Variants in FGD3 observed in about 807,000 individuals in gnomAD.
FGD3 encodes FYVE, RhoGEF and PH domain containing 3.
In FGD3, 45 loss-of-function variants were observed where a neutral mutation model predicts 71.8. That is an observed-to-expected ratio of 0.63 (90% CI 0.49 to 0.80). FGD3 has a LOEUF of 0.80. FGD3 is among the 30% of genes least tolerant of loss of function. FGD3 has a pLI of 0.00. For synonymous variants in FGD3, 378 were observed against 392.8 expected (o/e 0.96, Z 0.44); for missense variants, 844 against 951.5 (o/e 0.89, Z 1.49).
rs1287571023 is a variant in FGD3, at chr9:93,024,269, G to A, written c.1557+1880G>A. ...ACAGAAGCTTGAGCTGCCCACAGTGGACACACAATCGCAGGGTCACAGTGG... is the reference window on the plus strand; with the variant it reads ...ACAGAAGCTTGAGCTGCCCACAGTGAACACACAATCGCAGGGTCACAGTGG... On this transcript the variant is annotated intron_variant, in intron 14 of 17. Transcript: ENST00000375482. 2.0e-5 allele frequency among the ~76,000 whole-genome samples: 3 copies of A among 152,226 alleles called. No individual in the cohort carries two copies. In the East Asian group the frequency reaches 5.8e-4, roughly 29 times the overall value.
At chr9:92,972,689 TA>T (rs35801773) in intron 1 of FGD3, among the ~76,000 whole-genome samples, 77,870 of 151,718 alleles carry the variant, frequency 0.51, 20,197 homozygotes, top group Middle Eastern at 0.62. Flanking sequence ...TTTCCTCAAA[TA>T]TTTTTTTTGT....
At chr9:92,979,270 A>G (rs1859897008) in intron 3 of FGD3, among the ~76,000 whole-genome samples, 2 of 152,262 alleles carry the variant, frequency 1.3e-5, no homozygotes, top group South Asian at 4.1e-4. Flanking sequence ...TATTATATTG[A>G]GGTAGTTTCA....
At chr9:93,004,954 G>A (rs888820694) in intron 5 of FGD3, among the ~76,000 whole-genome samples, 8 of 152,146 alleles carry the variant, frequency 5.3e-5, no homozygotes, top group African/African-American at 1.9e-4. Flanking sequence ...TTGTGTCCCC[G>A]AGGCAGTCAG....
At chr9:92,989,539 T>C (rs767629662) in intron 3 of FGD3, among the ~76,000 whole-genome samples, 1 of 152,236 alleles carries the variant, frequency 6.6e-6, no homozygotes, top group Non-Finnish European at 1.5e-5. Flanking sequence ...GAAATAAACA[T>C]GGAATCATAG....
In FGD3 at chr9:92,996,986, A is replaced by G. The variant is rs147444927; in HGVS notation, c.454-5939A>G. 2.1e-4 allele frequency among the ~76,000 whole-genome samples: 32 copies of G among 152,280 alleles called. No homozygotes were observed. In the East Asian group the frequency reaches 5.2e-3, roughly 25 times the overall value. On this transcript the variant is annotated intron_variant, in intron 3 of 17. Transcript: ENST00000375482. Reference sequence around the variant, plus strand: ...GGGGTGTAGAGTTCTGTAGATGTCTATTAGGTCCACTTGGTGCAGAGCTGA... The same window carrying G: ...GGGGTGTAGAGTTCTGTAGATGTCTGTTAGGTCCACTTGGTGCAGAGCTGA...
rs376038788 is a variant in FGD3 at position 93,003,132 on chromosome 9, CTTT to C, written c.543+130_543+132del. 3.7e-4 allele frequency: 274 copies of C among 746,072 alleles called. No individual in the cohort carries two copies. The highest frequency in any genetic ancestry group is 7.6e-4 in the East Asian group (24 of 31,432). The allele number at this position is 746,072 out of a possible 1,614,324, so 46.2% of individuals were successfully genotyped here. A position where few individuals can be genotyped will look rare whatever the true frequency, so the allele number is the denominator to read the frequency against. On this transcript the variant is annotated intron_variant, in intron 4 of 17. Coordinates refer to ENST00000375482, the MANE Select transcript of FGD3 (RefSeq NM_001083536.2). The surrounding 1 kb of genome is among the most constrained non-coding windows in gnomAD (Gnocchi z 4.1). Reference sequence around the variant, plus strand: ...GACAAATTTAAGTCTGGTCTACAAACTTTTTTTTTTTTTTGAGACAAAGTCTCA... The same window carrying C: ...GACAAATTTAAGTCTGGTCTACAAACTTTTTTTTTTTGAGACAAAGTCTCA...
intron 6 of FGD3, among the ~76,000 whole-genome samples, chr9:93,006,526 A>G (rs1861061305): frequency 2.0e-5 from 3 of 152,178 alleles, no homozygotes; most frequent in Admixed American, 6.5e-5. Context: ...TATCTAGTGC[A>G]GGCATTTTTG....
chr9:93,011,244 A>C lies in FGD3; in HGVS notation c.1007A>C (p.Asn336Thr). The C allele has an allele frequency of 6.2e-7, 1 of 1,614,166 alleles. No individual in the cohort carries two copies. The highest frequency in any genetic ancestry group is 8.5e-7 in the Non-Finnish European group (1 of 1,179,998). Residue 336 changes from asparagine to threonine, a missense_variant, in exon 8 of 18, where the codon AAC (asparagine) becomes ACC (threonine). Transcript: ENST00000375482. The part of the protein sequence containing the change: ...RSLELISTAA[N>T]HSNAAIRKVE... ...TTGGAGCTCATCTCCACAGCCGCCA[A>C]CCACTCCAATGCTGCCATTCGGAAA...
At chr9:92,967,332 C>T (rs558922907) in intron 1 of FGD3, among the ~76,000 whole-genome samples, 1 of 152,260 alleles carries the variant, frequency 6.6e-6, no homozygotes, top group Non-Finnish European at 1.5e-5. Flanking sequence ...ACCATCACTG[C>T]CATCCATCTC....
At chr9:92,973,168 G>A (rs1859600734) in intron 1 of FGD3, among the ~76,000 whole-genome samples, 1 of 136,526 alleles carries the variant, frequency 7.3e-6, no homozygotes, top group Admixed American at 8.1e-5. Flanking sequence ...AGGCTGGAGT[G>A]CAGTTGTGCA....
intron 14 of FGD3, among the ~76,000 whole-genome samples, chr9:93,028,795 G>T (rs908365703): frequency 2.0e-5 from 3 of 152,130 alleles, no homozygotes; most frequent in Admixed American, 2.0e-4. Context: ...CTGACAGGAG[G>T]CAGGAGACTG....
At chr9:92,996,183 A>C (rs2118668953) in intron 3 of FGD3, among the ~76,000 whole-genome samples, 1 of 152,266 alleles carries the variant, frequency 6.6e-6, no homozygotes, top group Middle Eastern at 3.4e-3. Context: ...CAGGGATTCA[A>C]CTTCTTCCTG....
At position 92,993,140 on chromosome 9, in the gene FGD3, CCTT is replaced by C. The variant is rs898804001; in HGVS notation, c.454-9781_454-9779del. On this transcript the variant is annotated intron_variant, in intron 3 of 17. Transcript: ENST00000375482. ...TCAGCCATCTTACTGATATCACTCTCCTTCTTTTTTTTGGTACAAGGTCTCACT... is the reference window on the plus strand; with the variant it reads ...TCAGCCATCTTACTGATATCACTCTCCTTTTTTTTGGTACAAGGTCTCACT... 7.2e-5 allele frequency among the ~76,000 whole-genome samples: 11 copies of C among 152,238 alleles called. No individual in the cohort carries two copies. The East Asian group carries it at 7.8e-4, about 11-fold the overall frequency.
chr9:93,031,530 A>C (rs947160857), intron 15 of FGD3, among the ~76,000 whole-genome samples: 4 of 152,044 alleles, frequency 2.6e-5, no homozygotes, highest in Non-Finnish European at 5.9e-5. Flanking sequence ...CTGCTTCCTC[A>C]CACAAGAAGT....
At position 93,035,727 on chromosome 9, in the gene FGD3, G is replaced by T; in HGVS notation, c.*138G>T. The T allele has an allele frequency of 7.7e-7, 1 of 1,306,320 alleles. No individual in the cohort carries two copies. Among genetic ancestry groups the T allele is most frequent in the Non-Finnish European group, 1.0e-6 (1 of 990,030 alleles). The allele number at this position is 1,306,320 out of a possible 1,614,324, so 80.9% of individuals were successfully genotyped here. A position where few individuals can be genotyped will look rare whatever the true frequency, so the allele number is the denominator to read the frequency against. ...CCAGAGCTCAGGACACTTGGCTTTGGGGGGAAGGAAACTGAGGCCCAGAGA... is the reference window on the plus strand; with the variant it reads ...CCAGAGCTCAGGACACTTGGCTTTGTGGGGAAGGAAACTGAGGCCCAGAGA... On this transcript the variant is annotated 3_prime_UTR_variant, in exon 18 of 18. Coordinates refer to ENST00000375482, the MANE Select transcript of FGD3 (RefSeq NM_001083536.2).
intron 14 of FGD3, 116 bp from the exon 15 acceptor site, chr9:93,029,758 T>C: frequency 7.2e-7 from 1 of 1,390,176 alleles, no homozygotes; most frequent in Non-Finnish European, 9.7e-7. Context: ...CATGTTCCAC[T>C]TTTTGCCTTG....
intron 14 of FGD3, among the ~76,000 whole-genome samples, chr9:93,028,673 G>T (rs1485613677): frequency 1.3e-5 from 2 of 152,226 alleles, no homozygotes; most frequent in Non-Finnish European, 2.9e-5. Context: ...CGCAGTCGGG[G>T]TTTTATGTAC....
intron 7 of FGD3, 76 bp downstream of exon 7, chr9:93,010,460 A>AGAGG (rs1861274985): frequency 5.9e-6 from 5 of 842,222 alleles, no homozygotes. Context: ...AGAGAGGGAG[A>AGAGG]GAGAGAGTCG....
chr9:92,993,797 A>T (rs1219168077), intron 3 of FGD3, among the ~76,000 whole-genome samples: 1 of 152,164 alleles, frequency 6.6e-6, no homozygotes, highest in Non-Finnish European at 1.5e-5. Context: ...ACATGAACTC[A>T]TCATTTTTTA....
Sources: gnomAD v4.1 joint callset for allele counts (sites outside exome capture counted in the v4.1 genomes callset) on GRCh38, gnomAD v4.1.1 for gene constraint, Gnocchi (gnomAD v3.1) non-coding constraint, MANE v1.5 for transcripts, NCBI Gene and HGNC (gene_info 2026-07-23, HGNC 2026-07-21) for gene names.